Variants in ALCAM observed in about 807,000 individuals in gnomAD.
ALCAM encodes the protein activated leukocyte cell adhesion molecule.
A neutral mutation model predicts 70.9 loss-of-function variants in ALCAM; 30 were observed. That is an observed-to-expected ratio of 0.42 (90% CI 0.32 to 0.57). The LOEUF is 0.57. ALCAM is among the 20% of genes least tolerant of loss of function. The pLI is 0.11. For missense variants in ALCAM, 591 were observed against 695.1 expected, an observed-to-expected ratio of 0.85 and a Z score of 1.68; for synonymous variants, 249 against 242.5, an observed-to-expected ratio of 1.03 and a Z score of -0.25.
intron 3 of ALCAM, among the ~76,000 whole-genome samples, chr3:105,527,824 A>C (rs146106458): frequency 6.6e-6 from 1 of 152,054 alleles, no homozygotes; most frequent in Non-Finnish European, 1.5e-5. Context: ...TCCCACTTGG[A>C]TACTGTTCTG....
At chr3:105,566,380 G>A (rs950382602) in intron 14 of ALCAM, among the ~76,000 whole-genome samples, 3 of 151,834 alleles carry the variant, frequency 2.0e-5, no homozygotes, top group South Asian at 4.1e-4. Context: ...ACTTTTATTA[G>A]GTGCATATAC....
At chr3:105,458,230 A>C (rs1469198242) in intron 1 of ALCAM, among the ~76,000 whole-genome samples, 1 of 152,214 alleles carries the variant, frequency 6.6e-6, no homozygotes, top group Non-Finnish European at 1.5e-5. Context: ...TATTTCAACC[A>C]AATATTTGAT....
chr3:105,443,573 CTT>C (rs1382134485), intron 1 of ALCAM, among the ~76,000 whole-genome samples: 1 of 152,134 alleles, frequency 6.6e-6, no homozygotes, highest in Non-Finnish European at 1.5e-5. Flanking sequence ...ATAATGGACT[CTT>C]AAACCAGTAA....
intron 1 of ALCAM, among the ~76,000 whole-genome samples, chr3:105,400,138 G>T (rs1447508129): frequency 6.6e-6 from 1 of 152,152 alleles, no homozygotes; most frequent in African/African-American, 2.4e-5. Flanking sequence ...AAAGGGCATA[G>T]ATGCTTTTAA....
intron 1 of ALCAM, among the ~76,000 whole-genome samples, chr3:105,421,441 A>G (rs1199992448): frequency 2.0e-5 from 3 of 151,704 alleles, no homozygotes; most frequent in East Asian, 1.9e-4. Flanking sequence ...AACATTTATT[A>G]TAAATGCCAA....
rs760885989 is a variant in ALCAM at position 105,533,638 on chromosome 3, T to C, written c.495T>C (p.Asp165=). 2 of 1,612,210 alleles carry C rather than the reference T, an allele frequency of 1.2e-6. No homozygotes were observed. Among genetic ancestry groups the C allele is most frequent in the Admixed American group, 3.3e-5 (2 of 59,946 alleles). The change falls in exon 5 of 16, where the codon GAT becomes GAC. Residue 165 remains aspartate, a synonymous_variant. Transcript: ENST00000306107. ...GCATTTCAGAAGACAGTTATCCAGA[T>C]GGCAATATCACATGGTACAGGAATG... The part of the protein sequence containing the change: ...GDCISEDSYP[D]GNITWYRNGK...
At chr3:105,417,420 A>G (rs1159631218) in intron 1 of ALCAM, among the ~76,000 whole-genome samples, 3 of 151,578 alleles carry the variant, frequency 2.0e-5, no homozygotes, top group Admixed American at 1.3e-4. Flanking sequence ...TATATATAAC[A>G]TAGATGAAAA....
chr3:105,446,909 TTAGA>T (rs773764732), intron 1 of ALCAM, among the ~76,000 whole-genome samples: 1 of 152,022 alleles, frequency 6.6e-6, no homozygotes, highest in Non-Finnish European at 1.5e-5. Flanking sequence ...AAAGTCACAG[TTAGA>T]TAGGAAGAAT....
Position 105,367,322 on chromosome 3 carries a change from C to G in ALCAM, c.-87C>G, listed in dbSNP as rs1271118947. 7.0e-7 allele frequency: 1 copy of G among 1,430,242 alleles called. No individual in the cohort carries two copies. 88.6% of individuals were successfully genotyped at this position (1,430,242 alleles called of 1,614,324 possible). A position where few individuals can be genotyped will look rare whatever the true frequency, so the allele number is the denominator to read the frequency against. ...GACGCTGCCCCTGCGTCGGGACCCGCCAGCGCGCGGGCACCGCGGGGCCCG... is the reference window on the plus strand; with the variant it reads ...GACGCTGCCCCTGCGTCGGGACCCGGCAGCGCGCGGGCACCGCGGGGCCCG... On this transcript the variant is annotated 5_prime_UTR_variant, in exon 1 of 16. Coordinates refer to ENST00000306107, the MANE Select transcript of ALCAM (RefSeq NM_001627.4).
chr3:105,427,677 T>C (rs184381159), intron 1 of ALCAM, among the ~76,000 whole-genome samples: 17 of 152,072 alleles, frequency 1.1e-4, no homozygotes, highest in Admixed American at 5.3e-4. Flanking sequence ...CAATGTTTTT[T>C]ACTCTGTGAA....
At chr3:105,470,809 C>G (rs1249401430) in intron 1 of ALCAM, among the ~76,000 whole-genome samples, 1 of 151,098 alleles carries the variant, frequency 6.6e-6, no homozygotes, top group Non-Finnish European at 1.5e-5. Context: ...ATAGATTATA[C>G]TTAATAAGCC....
chr3:105,451,905 C>T (rs1203174490), intron 1 of ALCAM, among the ~76,000 whole-genome samples: 5 of 152,114 alleles, frequency 3.3e-5, no homozygotes, highest in Non-Finnish European at 5.9e-5. Flanking sequence ...ACCCCATATA[C>T]ACTCCCATCA....
At chr3:105,469,785 A>C (rs931362649) in intron 1 of ALCAM, among the ~76,000 whole-genome samples, 1 of 150,840 alleles carries the variant, frequency 6.6e-6, no homozygotes, top group Non-Finnish European at 1.5e-5. Flanking sequence ...ATATCCCTCA[A>C]ATTTATTTCA....
intron 1 of ALCAM, among the ~76,000 whole-genome samples, chr3:105,518,497 T>C (rs1576216309): frequency 1.3e-5 from 2 of 152,222 alleles, no homozygotes; most frequent in African/African-American, 4.8e-5. Context: ...AATAAAGCAA[T>C]TTCCTAAATG....
chr3:105,379,149 AG>A (rs1935450460), intron 1 of ALCAM, among the ~76,000 whole-genome samples: 1 of 152,022 alleles, frequency 6.6e-6, no homozygotes, highest in African/African-American at 2.4e-5. Context: ...ATATTCAAGA[AG>A]GTAATGAATT....
At chr3:105,377,043 T>C (rs960512876) in intron 1 of ALCAM, among the ~76,000 whole-genome samples, 5 of 152,178 alleles carry the variant, frequency 3.3e-5, no homozygotes, top group African/African-American at 1.2e-4. Context: ...TTAGTAAATA[T>C]TTGTATGTAT....
intron 1 of ALCAM, among the ~76,000 whole-genome samples, chr3:105,452,175 G>A (rs1475206245): frequency 1.3e-5 from 2 of 151,666 alleles, no homozygotes; most frequent in Non-Finnish European, 2.9e-5. Flanking sequence ...ATGTGCCATG[G>A]TGGTTTGCTG....
chr3:105,431,651 A>G (rs1446612331), intron 1 of ALCAM, among the ~76,000 whole-genome samples: 5 of 152,134 alleles, frequency 3.3e-5, no homozygotes, highest in African/African-American at 1.2e-4. Flanking sequence ...AGGAAAGGGT[A>G]AAGAATAGAG....
intron 6 of ALCAM, among the ~76,000 whole-genome samples, chr3:105,535,632 A>G (rs1024562828): frequency 2.0e-5 from 3 of 152,168 alleles, no homozygotes; most frequent in South Asian, 2.1e-4. Context: ...CAAAAATAGC[A>G]TGCTACATCA....
Sources: allele counts gnomAD v4.1 joint callset (sites outside exome capture counted in the v4.1 genomes callset), GRCh38; gene constraint gnomAD v4.1.1; transcripts MANE v1.5; gene names NCBI Gene and HGNC (gene_info 2026-07-23, HGNC 2026-07-21).